Variants in GBE1 observed in about 807,000 individuals in gnomAD.
GBE1 encodes 1,4-alpha-glucan-branching enzyme.
GBE1 carries 70 observed loss-of-function variants against 88.8 expected under a neutral mutation model. The ratio of observed to expected loss-of-function variants is 0.79; its 90% confidence interval spans 0.65 to 0.96. The LOEUF (loss-of-function observed/expected upper bound fraction) is 0.96. Among genes scored for constraint, GBE1 ranks in the 40% least tolerant of loss-of-function variants. The pLI, the probability that GBE1 is intolerant of heterozygous loss-of-function variation, is 0.00. For synonymous variants in GBE1, 284 were observed against 300.1 expected (o/e 0.95, Z 0.56); for missense variants, 872 against 871.0 (o/e 1.00, Z -0.01).
intron 7 of GBE1, among the ~76,000 whole-genome samples, chr3:81,609,666 G>A (rs1453408358): frequency 2.0e-5 from 3 of 152,076 alleles, no homozygotes; most frequent in Non-Finnish European, 4.4e-5. Context: ...GTCACAAGCA[G>A]CTCATGGACT....
At chr3:81,536,094 T>G (rs995060440) in intron 13 of GBE1, among the ~76,000 whole-genome samples, 1 of 151,950 alleles carries the variant, frequency 6.6e-6, no homozygotes, top group East Asian at 1.9e-4. Flanking sequence ...TTGTTCCTAT[T>G]GAAAAGGAGC....
At chr3:81,681,281 C>T (rs1400148830) in intron 2 of GBE1, among the ~76,000 whole-genome samples, 2 of 152,082 alleles carry the variant, frequency 1.3e-5, no homozygotes, top group Non-Finnish European at 2.9e-5. Flanking sequence ...TTTCAACAAA[C>T]ATTTGGGGGC....
At chr3:81,620,586 C>T (rs1381118499) in intron 7 of GBE1, among the ~76,000 whole-genome samples, 2 of 152,108 alleles carry the variant, frequency 1.3e-5, no homozygotes, top group Non-Finnish European at 2.9e-5. Context: ...TATTTGAGCA[C>T]AAGCATATGC....
At chr3:81,700,095 T>G in intron 2 of GBE1, among the ~76,000 whole-genome samples, 1 of 152,144 alleles carries the variant, frequency 6.6e-6, no homozygotes, top group East Asian at 1.9e-4. Flanking sequence ...ATTTGACAGT[T>G]GCGGGAGAGC....
At chr3:81,702,263 T>G (rs1705710113) in intron 2 of GBE1, among the ~76,000 whole-genome samples, 1 of 151,748 alleles carries the variant, frequency 6.6e-6, no homozygotes, top group East Asian at 1.9e-4. Context: ...CACGTGTATA[T>G]CTTTTTTTAC....
intron 1 of GBE1, among the ~76,000 whole-genome samples, chr3:81,739,702 T>A (rs1706319850): frequency 6.6e-6 from 1 of 152,190 alleles, no homozygotes; most frequent in East Asian, 1.9e-4. Context: ...ATTGAGAGGT[T>A]TCATTACTGA....
intron 12 of GBE1, among the ~76,000 whole-genome samples, chr3:81,557,543 A>G (rs1201203522): frequency 6.6e-6 from 1 of 151,918 alleles, no homozygotes; most frequent in African/African-American, 2.4e-5. Flanking sequence ...AAGAAGAAGA[A>G]AGGGTATCAA....
chr3:81,501,214 G>A (rs954040656), intron 14 of GBE1, among the ~76,000 whole-genome samples: 14 of 152,290 alleles, frequency 9.2e-5, no homozygotes, highest in Admixed American at 5.9e-4. Flanking sequence ...AGCTTGTGCC[G>A]GGGGCAGTAA....
At chr3:81,570,386 A>G (rs1227505789) in intron 12 of GBE1, among the ~76,000 whole-genome samples, 1 of 152,218 alleles carries the variant, frequency 6.6e-6, no homozygotes, top group East Asian at 1.9e-4. Flanking sequence ...GTTGTACTAA[A>G]ATTACAGATG....
At chr3:81,628,272 G>A (rs1486369682) in intron 7 of GBE1, among the ~76,000 whole-genome samples, 1 of 152,016 alleles carries the variant, frequency 6.6e-6, no homozygotes, top group Non-Finnish European at 1.5e-5. Flanking sequence ...TCTTCTTCAA[G>A]GTGACCAGGT....
intron 14 of GBE1, among the ~76,000 whole-genome samples, chr3:81,530,422 G>C (rs1191767592): frequency 6.6e-6 from 1 of 151,794 alleles, no homozygotes; most frequent in Non-Finnish European, 1.5e-5. Context: ...TGAATAATTA[G>C]GTATTTATTG....
chr3:81,631,846 C>T (rs1309442430), intron 7 of GBE1, among the ~76,000 whole-genome samples: 1 of 151,982 alleles, frequency 6.6e-6, no homozygotes, highest in East Asian at 1.9e-4. Flanking sequence ...GATACATGTG[C>T]AGAATGTGCA....
At chr3:81,689,897 G>A (rs1705495215) in intron 2 of GBE1, among the ~76,000 whole-genome samples, 1 of 152,152 alleles carries the variant, frequency 6.6e-6, no homozygotes, top group Non-Finnish European at 1.5e-5. Context: ...CACCAGCGGG[G>A]ATTCTAGCTT....
intron 7 of GBE1, among the ~76,000 whole-genome samples, chr3:81,639,350 T>TA (rs1553687942): frequency 0.1 from 15,574 of 151,496 alleles, 1,677 homozygotes; most frequent in African/African-American, 0.27. Context: ...TATTTTTTTT[T>TA]AAAAAAAATG....
At chr3:81,607,697 A>G (rs945743977) in intron 7 of GBE1, among the ~76,000 whole-genome samples, 4 of 151,954 alleles carry the variant, frequency 2.6e-5, no homozygotes, top group Non-Finnish European at 5.9e-5. Context: ...TATTTATGTA[A>G]TTTTGTCAAA....
chr3:81,527,693 T>C lies in GBE1; in HGVS notation c.1934+7502A>G, dbSNP rs201927914. On this transcript the variant is annotated intron_variant, in intron 14 of 15. Coordinates refer to ENST00000429644, the MANE Select transcript of GBE1 (RefSeq NM_000158.4). ...TACCATCTCACACCAGTTTGAATGG[T>C]GATCATTAAAAAGTCAGGAAACAAC... is the stretch of plus-strand genomic sequence containing the variant. Among the ~76,000 whole-genome samples, 11 of 152,062 alleles carry C rather than the reference T, an allele frequency of 7.2e-5. No homozygotes were observed. In the East Asian group the frequency reaches 2.1e-3, roughly 30 times the overall value.
At chr3:81,570,675 T>A (rs928730578) in intron 12 of GBE1, among the ~76,000 whole-genome samples, 1 of 152,162 alleles carries the variant, frequency 6.6e-6, no homozygotes, top group Non-Finnish European at 1.5e-5. Flanking sequence ...TAGGCAGTAG[T>A]TGGATCATAA....
chr3:81,743,583 A>AT (rs1346786999), intron 1 of GBE1: 1 of 1,535,426 alleles, frequency 6.5e-7, no homozygotes, highest in East Asian at 2.4e-5. Flanking sequence ...TCATGGGACA[A>AT]CGAAGTTAGA....
At chr3:81,735,495 G>A (rs956661832) in intron 1 of GBE1, among the ~76,000 whole-genome samples, 2 of 151,992 alleles carry the variant, frequency 1.3e-5, no homozygotes, top group Admixed American at 1.3e-4. Context: ...CAGGAAGTGG[G>A]AAAATCACAG....
Sources: allele counts gnomAD v4.1 joint callset (sites outside exome capture counted in the v4.1 genomes callset), GRCh38; gene constraint gnomAD v4.1.1; transcripts MANE v1.5; gene names NCBI Gene and HGNC (gene_info 2026-07-23, HGNC 2026-07-21).